Variants in CERK observed in about 807,000 individuals in gnomAD.
The protein encoded by CERK is ceramide kinase.
A neutral mutation model predicts 63.4 loss-of-function variants in CERK; 39 were observed. That is an observed-to-expected ratio of 0.61 (90% CI 0.48 to 0.80). The LOEUF is 0.80. Ranked by LOEUF, CERK falls within the 30% of genes least tolerant of loss-of-function variation. CERK has a pLI of 0.00. For missense variants in CERK, 670 were observed against 714.1 expected (o/e 0.94, Z 0.70); for synonymous variants, 302 against 280.0 (o/e 1.08, Z -0.78).
At chr22:46,732,832 C>A (rs560667162) in intron 1 of CERK, among the ~76,000 whole-genome samples, 1 of 152,252 alleles carries the variant, frequency 6.6e-6, no homozygotes, top group Admixed American at 6.5e-5. Context: ...CCGTGAATCG[C>A]CTACTTATAT....
At chr22:46,731,036 G>A (rs376281369) in intron 1 of CERK, among the ~76,000 whole-genome samples, 6 of 152,260 alleles carry the variant, frequency 3.9e-5, no homozygotes, top group African/African-American at 1.4e-4. Flanking sequence ...CCACCCTTGA[G>A]AGGCTGTGAG....
At chr22:46,695,402 C>T (rs981301430) in intron 8 of CERK, 87 bp from the exon 9 acceptor site, 1 of 853,528 alleles carries the variant, frequency 1.2e-6, no homozygotes, top group Middle Eastern at 2.7e-4. Flanking sequence ...AGAAATGTCG[C>T]TGAGCGCGCA....
intron 3 of CERK, among the ~76,000 whole-genome samples, chr22:46,719,210 C>T (rs1225993384): frequency 6.9e-6 from 1 of 144,488 alleles, no homozygotes; most frequent in Non-Finnish European, 1.5e-5. Flanking sequence ...TTTAAGTTCA[C>T]GGGTACATGT....
chr22:46,734,488 C>T (rs1237457549), intron 1 of CERK, among the ~76,000 whole-genome samples: 3 of 152,098 alleles, frequency 2.0e-5, no homozygotes, highest in Admixed American at 2.0e-4. Context: ...ACATGAAACT[C>T]TATTAGCATC....
intron 1 of CERK, among the ~76,000 whole-genome samples, chr22:46,735,879 G>GA (rs1341382010): frequency 2.0e-5 from 3 of 152,180 alleles, no homozygotes; most frequent in Non-Finnish European, 4.4e-5. Flanking sequence ...AAAGCTATGA[G>GA]AAAAAAACTA....
chr22:46,705,878 G>GA (rs1177664623), intron 6 of CERK, among the ~76,000 whole-genome samples: 1 of 151,344 alleles, frequency 6.6e-6, no homozygotes, highest in Non-Finnish European at 1.5e-5. Flanking sequence ...ACAAAAATAT[G>GA]AAAAAAAAGT....
chr22:46,729,216 A>G lies in CERK; in HGVS notation c.143-8201T>C, dbSNP rs1448640946. On this transcript the variant is annotated intron_variant, in intron 1 of 12. Transcript: ENST00000216264. ...TGTCTCTACAAAATAAATTTTAAAA[A>G]TTAGGGAGAATGATGGTACATGCCT... Among the ~76,000 whole-genome samples, 5 of 152,298 alleles carry G rather than the reference A, an allele frequency of 3.3e-5. No individual in the cohort carries two copies. The East Asian group carries it at 7.7e-4, about 24-fold the overall frequency.
At chr22:46,717,615 T>G (rs1378688602) in intron 3 of CERK, among the ~76,000 whole-genome samples, 1 of 152,256 alleles carries the variant, frequency 6.6e-6, no homozygotes, top group Non-Finnish European at 1.5e-5. Flanking sequence ...AGTACAACAG[T>G]GAACCTAGTT....
chr22:46,735,503 G>C (rs1601734980), intron 1 of CERK: 1 of 152,288 alleles, frequency 6.6e-6, no homozygotes, highest in East Asian at 1.9e-4. Context: ...TGAAATAGGG[G>C]TGATGCTACG....
chr22:46,692,475 G>A (rs543516710), intron 10 of CERK, among the ~76,000 whole-genome samples: 33 of 150,490 alleles, frequency 2.2e-4, no homozygotes, highest in African/African-American at 7.6e-4. Context: ...GGCGGCAGGC[G>A]CCTGTAATCC....
At position 46,711,112 on chromosome 22, in the gene CERK, A is replaced by G; in HGVS notation, c.543T>C (p.Tyr181=). 2 of 1,610,886 alleles carry G rather than the reference A, an allele frequency of 1.2e-6. No homozygotes were observed. The highest frequency in any genetic ancestry group is 1.7e-6 in the Non-Finnish European group (2 of 1,177,182). ...CGTCGTATTTGTCTATGTTAATCTC[A>G]TACAGAGTCTCCTTGGCCTGATTAG... ...EHANQAKETL[Y]EINIDKYDGI... is the part of the protein sequence containing the mutation. Residue 181 remains tyrosine, a synonymous_variant, in exon 5 of 13, where the codon TAT becomes TAC. Coordinates refer to ENST00000216264, the MANE Select transcript of CERK (RefSeq NM_022766.6).
chr22:46,703,295 C>T (rs940583677), intron 6 of CERK, among the ~76,000 whole-genome samples: 5 of 152,264 alleles, frequency 3.3e-5, no homozygotes, highest in East Asian at 3.9e-4. Flanking sequence ...CAGCCATCCA[C>T]GGGAGGCAGC....
chr22:46,727,584 T>C (rs1601729759), intron 1 of CERK, among the ~76,000 whole-genome samples: 2 of 152,050 alleles, frequency 1.3e-5, no homozygotes, highest in Non-Finnish European at 2.9e-5. Context: ...CGTGAGCCAC[T>C]GTGCCCAGTC....
chr22:46,720,051 G>C, intron 3 of CERK, 35 bp downstream of exon 3: 1 of 1,604,476 alleles, frequency 6.2e-7, no homozygotes, highest in South Asian at 1.1e-5. Context: ...ATGCCACCAC[G>C]GCCATCCTGT....
Position 46,699,358 on chromosome 22 carries a change from T to C in CERK, c.898A>G (p.Ser300Gly), listed in dbSNP as rs1236254365. The change falls in exon 8 of 13, where the codon AGT becomes GGT. Residue 300 changes from serine to glycine, a missense_variant. Physicochemically the swap from Ser to Gly is moderately conservative, Grantham distance 56. Transcript: ENST00000216264. Reference sequence around the variant, plus strand: ...AGACCCAACCACCGTTTCTTCTCACTGTCCTTGATGATGTCCCCGTAGAAG... The same window carrying C: ...AGACCCAACCACCGTTTCTTCTCACCGTCCTTGATGATGTCCCCGTAGAAG... The part of the protein sequence containing the change: ...YGFYGDIIKD[S>G]EKKRWLGLAR... 4 of 1,614,074 alleles carry C rather than the reference T, an allele frequency of 2.5e-6. No homozygotes were observed. Among genetic ancestry groups the C allele is most frequent in the Non-Finnish European group, 3.4e-6 (4 of 1,180,024 alleles).
chr22:46,721,876 C>T (rs189654617), intron 1 of CERK, among the ~76,000 whole-genome samples: 338 of 152,300 alleles, frequency 2.2e-3, no homozygotes, highest in African/African-American at 7.6e-3. Context: ...ACCCATTCCA[C>T]CCGAGCCACC....
At chr22:46,706,122 G>A (rs1212024136) in intron 6 of CERK, among the ~76,000 whole-genome samples, 2 of 152,254 alleles carry the variant, frequency 1.3e-5, no homozygotes, top group Non-Finnish European at 2.9e-5. Flanking sequence ...TGTGAACACA[G>A]AGCTCGACCT....
chr22:46,697,583 G>A (rs1288858962), intron 8 of CERK, among the ~76,000 whole-genome samples: 2 of 152,178 alleles, frequency 1.3e-5, no homozygotes, highest in African/African-American at 4.8e-5. Context: ...TCAGCTCACT[G>A]CAGCCTCTGC....
At chr22:46,733,779 C>T (rs1161735193) in intron 1 of CERK, among the ~76,000 whole-genome samples, 1 of 151,874 alleles carries the variant, frequency 6.6e-6, no homozygotes, top group Non-Finnish European at 1.5e-5. Flanking sequence ...CAGTGGCTAA[C>T]GCCTGTAATC....
Sources: gnomAD v4.1 joint callset for allele counts (sites outside exome capture counted in the v4.1 genomes callset) on GRCh38, gnomAD v4.1.1 for gene constraint, MANE v1.5 for transcripts, NCBI Gene and HGNC (gene_info 2026-07-23, HGNC 2026-07-21) for gene names.